REEP5: variants seen among roughly 807,000 people sequenced by gnomAD.
The protein encoded by REEP5 is receptor accessory protein 5.
REEP5 carries 24 observed loss-of-function variants against 22.4 expected under a neutral mutation model. That is an observed-to-expected ratio of 1.07 (90% CI 0.78 to 1.51). REEP5 has a LOEUF of 1.51. Among genes scored for constraint, REEP5 ranks in the 40% most tolerant of loss-of-function variants. The pLI, the probability that REEP5 is intolerant of heterozygous loss-of-function variation, is 0.00. For synonymous variants in REEP5, 103 were observed against 88.6 expected, an observed-to-expected ratio of 1.16 and a Z score of -0.92; for missense variants, 252 against 233.0, an observed-to-expected ratio of 1.08 and a Z score of -0.53.
chr5:112,912,619 G>A (rs951623241), intron 2 of REEP5, among the ~76,000 whole-genome samples: 1 of 152,104 alleles, frequency 6.6e-6, no homozygotes, highest in East Asian at 1.9e-4. Context: ...GGTTAAGATA[G>A]GTTCTTTGGA....
At chr5:112,901,021 T>C (rs933509429) in intron 3 of REEP5, among the ~76,000 whole-genome samples, 4 of 151,968 alleles carry the variant, frequency 2.6e-5, no homozygotes, top group Non-Finnish European at 5.9e-5. Context: ...TGTATTTTAG[T>C]AGAGACAGGG....
Position 112,878,964 on chromosome 5 carries a change from A to G in REEP5, c.521-129T>C. The G allele has an allele frequency of 4.9e-6, 7 of 1,436,176 alleles. No homozygotes were observed. In the South Asian group the frequency reaches 7.5e-5, roughly 15 times the overall value. The allele number at this position is 1,436,176 out of a possible 1,614,324, so 89.0% of individuals were successfully genotyped here. On this transcript the variant is annotated intron_variant, in intron 4 of 4. Transcript: ENST00000379638. ...GGATGACTCATGTTCAGGTGCGATC[A>G]TGTTGGGGTTTGTGGTCTGGGCTAA... is the stretch of plus-strand genomic sequence containing the variant.
At position 112,892,148 on chromosome 5, in the gene REEP5, T is replaced by A. The variant is rs768423518; in HGVS notation, c.352-4965A>T. ...GAACCACCCGTGGATTTCAGAGTAA[T>A]GGAGAAGGATCGAGCTAATTGTCCC... is the stretch of plus-strand genomic sequence containing the variant. On this transcript the variant is annotated intron_variant, in intron 3 of 4. Transcript: ENST00000379638. 8 of 1,614,146 alleles carry A rather than the reference T, an allele frequency of 5.0e-6. No homozygotes were observed. In the South Asian group the frequency reaches 6.6e-5, roughly 13 times the overall value.
At chr5:112,891,543 T>G in intron 3 of REEP5, 1 of 1,496,370 alleles carries the variant, frequency 6.7e-7, no homozygotes, top group East Asian at 2.5e-5. Flanking sequence ...CATAAAATAT[T>G]CATAAGTAGA....
At chr5:112,914,173 A>G (rs1348262158) in intron 2 of REEP5, among the ~76,000 whole-genome samples, 7 of 151,268 alleles carry the variant, frequency 4.6e-5, no homozygotes, top group Admixed American at 4.0e-4. Flanking sequence ...ACCAGGCTGG[A>G]GTGCAGTGGC....
intron 2 of REEP5, among the ~76,000 whole-genome samples, chr5:112,908,676 C>A (rs921911217): frequency 1.3e-5 from 2 of 151,438 alleles, no homozygotes; most frequent in Non-Finnish European, 2.9e-5. Flanking sequence ...CAGGTGCCCA[C>A]GACAGCGCCC....
At chr5:112,915,358 T>C (rs938418571) in intron 2 of REEP5, among the ~76,000 whole-genome samples, 10 of 152,226 alleles carry the variant, frequency 6.6e-5, no homozygotes, top group African/African-American at 2.4e-4. Context: ...CTTTATTTTC[T>C]TTATGACACA....
intron 3 of REEP5, among the ~76,000 whole-genome samples, chr5:112,890,703 C>G (rs970392664): frequency 1.3e-5 from 2 of 150,378 alleles, no homozygotes; most frequent in Non-Finnish European, 2.9e-5. Context: ...AAGATATATA[C>G]AGATCTCTCA....
intron 4 of REEP5, among the ~76,000 whole-genome samples, chr5:112,881,467 A>G (rs1213197000): frequency 6.6e-6 from 1 of 152,194 alleles, no homozygotes; most frequent in Non-Finnish European, 1.5e-5. Flanking sequence ...GGCAAAATCT[A>G]TATCCTCATC....
chr5:112,880,592 G>A (rs1293645699), intron 4 of REEP5, among the ~76,000 whole-genome samples: 1 of 152,206 alleles, frequency 6.6e-6, no homozygotes, highest in Non-Finnish European at 1.5e-5. Flanking sequence ...GAAATTCCTA[G>A]TTAATCCAAA....
intron 4 of REEP5, among the ~76,000 whole-genome samples, chr5:112,880,794 G>C (rs901319932): frequency 2.0e-5 from 3 of 152,164 alleles, no homozygotes; most frequent in African/African-American, 7.2e-5. Flanking sequence ...TTGCTGATTA[G>C]GCTAAGGGAA....
intron 4 of REEP5, among the ~76,000 whole-genome samples, chr5:112,883,819 C>T (rs1768148788): frequency 6.6e-6 from 1 of 152,080 alleles, no homozygotes; most frequent in South Asian, 2.1e-4. Context: ...ACCTGTTCTA[C>T]CCAGTCTTCT....
intron 3 of REEP5, among the ~76,000 whole-genome samples, chr5:112,891,045 G>A (rs1768427531): frequency 6.6e-6 from 1 of 150,466 alleles, no homozygotes; most frequent in South Asian, 2.1e-4. Context: ...GCAAATCCTA[G>A]AACCAAAAAT....
At chr5:112,882,505 A>G (rs1768111171) in intron 4 of REEP5, among the ~76,000 whole-genome samples, 1 of 152,172 alleles carries the variant, frequency 6.6e-6, no homozygotes, top group Admixed American at 6.5e-5. Flanking sequence ...CTGTAGCTAT[A>G]CCCATGTAGC....
At position 112,877,630 on chromosome 5, in the gene REEP5, C is replaced by G. The variant is rs929897021; in HGVS notation, c.*1156G>C. 1.4e-4 allele frequency: 21 copies of G among 152,242 alleles called. No individual in the cohort carries two copies. Among genetic ancestry groups the G allele is most frequent in the African/African-American group, 4.6e-4 (19 of 41,556 alleles). 9.4% of individuals were successfully genotyped at this position (152,242 alleles called of 1,614,324 possible). On this transcript the variant is annotated 3_prime_UTR_variant, in exon 5 of 5. Transcript: ENST00000379638. ...TTTGACCTTAAAGGCCAGAGAAAAACTGAAGATAGATTGACTTAACTATTG... is the reference window on the plus strand; with the variant it reads ...TTTGACCTTAAAGGCCAGAGAAAAAGTGAAGATAGATTGACTTAACTATTG...
chr5:112,883,682 T>C (rs1239019781), intron 4 of REEP5, among the ~76,000 whole-genome samples: 1 of 152,212 alleles, frequency 6.6e-6, no homozygotes, highest in East Asian at 1.9e-4. Flanking sequence ...TCTTGAACTC[T>C]TGACACCTGT....
chr5:112,900,085 T>C (rs1001009177), intron 3 of REEP5, among the ~76,000 whole-genome samples: 5 of 152,248 alleles, frequency 3.3e-5, no homozygotes, highest in Non-Finnish European at 5.9e-5. Context: ...AATATGGGAT[T>C]TCACTATTTT....
intron 3 of REEP5, chr5:112,894,029 A>C (rs1309413528): frequency 6.6e-6 from 1 of 152,144 alleles, no homozygotes; most frequent in African/African-American, 2.4e-5. Context: ...TCCTTGGCAT[A>C]GTGCCAGTTA....
At chr5:112,921,117 A>C (rs149190) in intron 2 of REEP5, 46 bp downstream of exon 2, 1 of 1,564,390 alleles carries the variant, frequency 6.4e-7, no homozygotes. Flanking sequence ...CCCTGCGGGG[A>C]GGAATGGAGG....
Sources: allele counts gnomAD v4.1 joint callset (sites outside exome capture counted in the v4.1 genomes callset), GRCh38; gene constraint gnomAD v4.1.1; transcripts MANE v1.5; gene names NCBI Gene and HGNC (gene_info 2026-07-23, HGNC 2026-07-21).